HSPG2: variants seen among roughly 807,000 people sequenced by gnomAD.
HSPG2 encodes the protein basement membrane-specific heparan sulfate proteoglycan core protein.
In HSPG2, 278 loss-of-function variants were observed where a neutral mutation model predicts 526.6. The observed-to-expected ratio is 0.53, with a 90% CI of 0.48 to 0.58. The LOEUF (loss-of-function observed/expected upper bound fraction) is 0.58. Ranked by LOEUF, HSPG2 falls within the 20% of genes least tolerant of loss-of-function variation. The pLI is 0.00. For synonymous variants in HSPG2, 2,465 were observed against 2,555.4 expected (o/e 0.96, Z 1.07); for missense variants, 5,354 against 6,099.5 (o/e 0.88, Z 4.07).
chr1:21,841,668 C>T lies in HSPG2; in HGVS notation c.9199G>A (p.Val3067Ile). 5.6e-6 allele frequency: 9 copies of T among 1,614,080 alleles called. No individual in the cohort carries two copies. Among genetic ancestry groups the T allele is most frequent in the South Asian group, 1.1e-5 (1 of 91,072 alleles). ...KTRNQELEDN[V>I]HISPNGSIIT... ...ATGGAGCCATTGGGACTGATGTGGACGTTGTCTGTGAGGTTGCATGGGGGA... is the reference window on the plus strand; with the variant it reads ...ATGGAGCCATTGGGACTGATGTGGATGTTGTCTGTGAGGTTGCATGGGGGA... The change falls in exon 70 of 97, where the codon GTC becomes ATC. Residue 3067 changes from valine to isoleucine, a missense_variant. Val to Ile is a conservative substitution (Grantham distance 29). Coordinates refer to ENST00000374695, the MANE Select transcript of HSPG2 (RefSeq NM_005529.7).
chr1:21,859,705 G>A lies in HSPG2; in HGVS notation c.5183-29C>T. The A allele has an allele frequency of 6.3e-7, 1 of 1,590,576 alleles. No homozygotes were observed. ...GTGGGGAGGAGACAAGAGCTTGTTG[G>A]TGCAGATACACTCTTTCTCACATCC... On this transcript the variant is annotated intron_variant, in intron 41 of 96. Transcript: ENST00000374695. The surrounding 1 kb of genome is among the most constrained non-coding windows in gnomAD (Gnocchi z 5.3).
Position 21,872,237 on chromosome 1 carries a change from G to A in HSPG2, c.4170C>T (p.Leu1390=), listed in dbSNP as rs1196587637. 9 of 1,552,628 alleles carry A rather than the reference G, an allele frequency of 5.8e-6. No homozygotes were observed. The highest frequency in any genetic ancestry group is 3.6e-5 in the South Asian group (3 of 84,092). The part of the protein sequence containing the change: ...AQLSFGNFAQ[L]GHESFYWQLP... ...GCTGCCAGTAGAAGGACTCATGGCC[G>A]AGTTGGGCAAAGTTGCCAAAAGAGA... The change falls in exon 33 of 97, where the codon CTC becomes CTT. Residue 1390 remains leucine (L), a synonymous_variant. Coordinates refer to ENST00000374695, the MANE Select transcript of HSPG2 (RefSeq NM_005529.7). This position sits in a 1 kb window ranked among gnomAD's most constrained non-coding sequence, Gnocchi z 5.5.
Position 21,851,791 on chromosome 1 carries a change from G to C in HSPG2, c.7006C>G (p.Pro2336Ala), listed in dbSNP as rs745663099. The C allele has an allele frequency of 6.2e-7, 1 of 1,613,910 alleles. No individual in the cohort carries two copies. Among genetic ancestry groups the C allele is most frequent in the South Asian group, 1.1e-5 (1 of 91,086 alleles). Residue 2336 changes from proline to alanine, a missense_variant and splice_region_variant, in exon 54 of 97, where the codon CCT becomes GCT. Coordinates refer to ENST00000374695, the MANE Select transcript of HSPG2 (RefSeq NM_005529.7). ...TGTQGANLAY[P>A]AGSTQPIRIE... is the part of the protein sequence containing the mutation. ...AGCCCAGCCTGGTGGCCCCACTCAC[G>C]GTAGGCTAAGTTGGCCCCCTGGGTC...
chr1:21,861,586 C>T (rs1350507703), intron 39 of HSPG2, among the ~76,000 whole-genome samples, 171 bp downstream of exon 39: 4 of 152,112 alleles, frequency 2.6e-5, no homozygotes, highest in Non-Finnish European at 5.9e-5. Flanking sequence ...AGTAAAGCTG[C>T]CTAAGGAGGG....
chr1:21,883,031 C>T (rs1641627381), intron 13 of HSPG2, among the ~76,000 whole-genome samples: 1 of 152,164 alleles, frequency 6.6e-6, no homozygotes, highest in Admixed American at 6.5e-5. Context: ...ACCTGCTCAC[C>T]CTGGAATTCC....
At chr1:21,931,247 C>T (rs1407408128) in intron 1 of HSPG2, among the ~76,000 whole-genome samples, 2 of 152,372 alleles carry the variant, frequency 1.3e-5, no homozygotes, top group East Asian at 1.9e-4. Context: ...TTGACACAGC[C>T]CTGACGCCAC....
chr1:21,921,986 T>G (rs1201067080), intron 1 of HSPG2, among the ~76,000 whole-genome samples: 2 of 152,076 alleles, frequency 1.3e-5, no homozygotes, highest in Non-Finnish European at 2.9e-5. Context: ...GGCCTTCCCA[T>G]AGCGGGGGTG....
At position 21,839,462 on chromosome 1, in the gene HSPG2, G is replaced by C; in HGVS notation, c.9798C>G (p.Pro3266=). The part of the protein sequence containing the change: ...HRLEGDTLII[P]RVAQQDSGQY... Reference sequence around the variant, plus strand: ...GGCCCGAGTCCTGCTGGGCTACCCGGGGTATGATGAGTGTGTCACCTTCCA... The same window carrying C: ...GGCCCGAGTCCTGCTGGGCTACCCGCGGTATGATGAGTGTGTCACCTTCCA... The change falls in exon 73 of 97, where the codon CCC becomes CCG. Residue 3266 remains proline, a synonymous_variant. Transcript: ENST00000374695. The surrounding 1 kb of genome is among the most constrained non-coding windows in gnomAD (Gnocchi z 4.5). 1 of 1,614,126 alleles carries C rather than the reference G, an allele frequency of 6.2e-7. No individual in the cohort carries two copies. The highest frequency in any genetic ancestry group is 8.5e-7 in the Non-Finnish European group (1 of 1,180,012).
intron 49 of HSPG2, 110 bp from the exon 50 acceptor site, chr1:21,854,453 T>A: frequency 6.8e-7 from 1 of 1,471,038 alleles, no homozygotes; most frequent in Non-Finnish European, 9.2e-7. Flanking sequence ...CTCCGAGCCA[T>A]CCCATGCTAG....
chr1:21,846,538 C>A lies in HSPG2; in HGVS notation c.8226G>T (p.Glu2742Asp), dbSNP rs745624545. Residue 2742 changes from glutamate (E) to aspartate (D), a missense_variant, in exon 63 of 97, where the codon GAG becomes GAT. Transcript: ENST00000374695. Reference sequence around the variant, plus strand: ...GGACCACGCAGTTCAGATCCAGGGTCTCCCCTTCGGCCACGTGTGAGGAGG... The same window carrying A: ...GGACCACGCAGTTCAGATCCAGGGTATCCCCTTCGGCCACGTGTGAGGAGG... ...ESSSSHVAEG[E>D]TLDLNCVVPG... The A allele has an allele frequency of 6.2e-7, 1 of 1,613,754 alleles. No homozygotes were observed. The highest frequency in any genetic ancestry group is 1.1e-5 in the South Asian group (1 of 91,092).
At chr1:21,921,689 G>GGGCTGC (rs532689413) in intron 1 of HSPG2, among the ~76,000 whole-genome samples, 149 of 152,306 alleles carry the variant, frequency 9.8e-4, no homozygotes, top group African/African-American at 3.4e-3. Flanking sequence ...GCAGAAGCCC[G>GGGCTGC]GGCTGCGGCA....
intron 37 of HSPG2, among the ~76,000 whole-genome samples, 155 bp downstream of exon 37, chr1:21,863,945 C>T (rs959837234): frequency 6.6e-6 from 1 of 152,202 alleles, no homozygotes; most frequent in Non-Finnish European, 1.5e-5. Context: ...ACCCCACCAT[C>T]CCCGGTGACC....
intron 68 of HSPG2, 28 bp downstream of exon 68, chr1:21,842,211 C>G (rs78848259): frequency 1.4e-5 from 22 of 1,613,024 alleles, no homozygotes; most frequent in African/African-American, 1.3e-4. Flanking sequence ...TCCCTTCCCC[C>G]CTTGCCCATG....
chr1:21,879,164 C>T (rs763962500), intron 17 of HSPG2, 43 bp from the exon 18 acceptor site: 6 of 1,613,134 alleles, frequency 3.7e-6, no homozygotes, highest in Non-Finnish European at 5.1e-6. Context: ...TAGAGCAGAA[C>T]TGGGCCAGAT....
Position 21,827,934 on chromosome 1 carries a change from AG to A in HSPG2, c.12533-16del. On this transcript the variant is annotated splice_polypyrimidine_tract_variant and intron_variant, in intron 90 of 96. Transcript: ENST00000374695. ...ATGTCCAGAGCCTATGGAGAAGGGC[AG>A]GGTCCAGTTGGTGGGCATAGACACC... is the stretch of plus-strand genomic sequence containing the variant. 6.2e-7 allele frequency: 1 copy of A among 1,606,018 alleles called. No homozygotes were observed. The highest frequency in any genetic ancestry group is 1.1e-5 in the South Asian group (1 of 89,532).
intron 1 of HSPG2, among the ~76,000 whole-genome samples, chr1:21,900,626 A>C (rs1195595632): frequency 6.6e-6 from 1 of 152,146 alleles, no homozygotes; most frequent in East Asian, 1.9e-4. Flanking sequence ...AATGGAGAGA[A>C]GGAGGGAGAG....
chr1:21,858,153 C>T lies in HSPG2; in HGVS notation c.5294-768G>A, dbSNP rs886800639. ...ACTCGCTGCCTTCCCACCCATGTGT[C>T]GCCTCCTTCCAATCTGGTTTCTATC... On this transcript the variant is annotated intron_variant, in intron 42 of 96. Coordinates refer to ENST00000374695, the MANE Select transcript of HSPG2 (RefSeq NM_005529.7). The surrounding 1 kb of genome is among the most constrained non-coding windows in gnomAD (Gnocchi z 4.2). 1.3e-5 allele frequency among the ~76,000 whole-genome samples: 2 copies of T among 152,204 alleles called. No individual in the cohort carries two copies. Among genetic ancestry groups the T allele is most frequent in the African/African-American group, 2.4e-5 (1 of 41,442 alleles).
At chr1:21,832,460 A>G (rs2098008583) in intron 81 of HSPG2, 35 bp downstream of exon 81, 1 of 1,524,372 alleles carries the variant, frequency 6.6e-7, no homozygotes, top group African/African-American at 1.4e-5. Context: ...CCCTGTGTCC[A>G]GTCCCCCTGT....
At chr1:21,873,821 G>A (rs1640842549) in intron 29 of HSPG2, 104 bp downstream of exon 29, 1 of 968,584 alleles carries the variant, frequency 1.0e-6, no homozygotes, top group Non-Finnish European at 1.6e-6. Context: ...TTAAGAGCGA[G>A]AGGCATCCCT....
Sources: gnomAD v4.1 joint callset for allele counts (sites outside exome capture counted in the v4.1 genomes callset) on GRCh38, gnomAD v4.1.1 for gene constraint, Gnocchi (gnomAD v3.1) non-coding constraint, MANE v1.5 for transcripts, NCBI Gene and HGNC (gene_info 2026-07-23, HGNC 2026-07-21) for gene names.